Variants in USP40 observed in about 807,000 individuals in gnomAD.
USP40 encodes the protein ubiquitin carboxyl-terminal hydrolase 40.
USP40 carries 143 observed loss-of-function variants against 166.2 expected under a neutral mutation model. That is an observed-to-expected ratio of 0.86 (90% confidence interval 0.75 to 0.99). The LOEUF (loss-of-function observed/expected upper bound fraction) is 0.99. Ranked by LOEUF, USP40 falls within the 50% of genes least tolerant of loss-of-function variation. USP40 has a pLI of 0.00. For missense variants in USP40, 1,444 were observed against 1,479.7 expected, an observed-to-expected ratio of 0.98 and a Z score of 0.40; for synonymous variants, 498 against 524.0, an observed-to-expected ratio of 0.95 and a Z score of 0.68.
intron 10 of USP40, among the ~76,000 whole-genome samples, chr2:233,537,155 T>C (rs2069000101): frequency 6.6e-6 from 1 of 152,174 alleles, no homozygotes; most frequent in African/African-American, 2.4e-5. Context: ...TTTGCTGGGA[T>C]TACAGGTGTG....
chr2:233,564,395 A>C (rs569790195), intron 2 of USP40, among the ~76,000 whole-genome samples: 2 of 152,132 alleles, frequency 1.3e-5, no homozygotes, highest in Non-Finnish European at 2.9e-5. Flanking sequence ...AAGGCAAAGT[A>C]ATGTTCACAC....
chr2:233,501,473 A>C (rs903351298), intron 21 of USP40, among the ~76,000 whole-genome samples: 3 of 152,218 alleles, frequency 2.0e-5, no homozygotes, highest in Non-Finnish European at 2.9e-5. Context: ...TCAACTTTTT[A>C]TAAGAACAGA....
chr2:233,503,134 GAA>G (rs1281876899), intron 21 of USP40, among the ~76,000 whole-genome samples: 2 of 152,026 alleles, frequency 1.3e-5, no homozygotes, highest in Non-Finnish European at 2.9e-5. Context: ...AACAAAATCA[GAA>G]AAATTCATTC....
chr2:233,503,900 A>G (rs1437050557), intron 21 of USP40, among the ~76,000 whole-genome samples: 1 of 152,148 alleles, frequency 6.6e-6, no homozygotes, highest in Non-Finnish European at 1.5e-5. Flanking sequence ...GGTGCTATAT[A>G]AATTTATCAA....
At chr2:233,536,030 AAAT>A (rs2068911626) in intron 10 of USP40, among the ~76,000 whole-genome samples, 2 of 152,158 alleles carry the variant, frequency 1.3e-5, no homozygotes, top group Admixed American at 6.5e-5. Context: ...TGTAATTAAA[AAAT>A]AAAAATTTAT....
At chr2:233,542,607 G>C (rs1269334614) in intron 8 of USP40, 3 of 352,034 alleles carry the variant, frequency 8.5e-6, no homozygotes, top group Non-Finnish European at 1.5e-5. Flanking sequence ...GAGCCCAGGA[G>C]GTCAAGGCTG....
At chr2:233,545,765 GAAGT>G (rs1318467033) in intron 8 of USP40, 1 of 225,668 alleles carries the variant, frequency 4.4e-6, no homozygotes, top group Non-Finnish European at 9.3e-6. Flanking sequence ...TCAAAGGGAA[GAAGT>G]AATTGCTGAA....
chr2:233,494,842 A>C (rs1163845776), intron 24 of USP40, among the ~76,000 whole-genome samples: 15 of 131,380 alleles, frequency 1.1e-4, no homozygotes, highest in African/African-American at 2.0e-4. Flanking sequence ...AAAAAAAAAA[A>C]CCAAAAAAAA....
Position 233,525,577 on chromosome 2 carries a change from T to C in USP40, c.1726-15A>G, listed in dbSNP as rs145192591. 4.7e-4 allele frequency: 744 copies of C among 1,597,996 alleles called. 2 individuals carry two copies. In the African/African-American group the frequency reaches 8.2e-3, roughly 18 times the overall value. On this transcript the variant is annotated splice_polypyrimidine_tract_variant and intron_variant, in intron 13 of 31. Transcript: ENST00000678225. ...AATTCTAACAGCTGAAGAATATTAA[T>C]GAAGGAAAAGAGAATGTTGAAAAGT...
At chr2:233,489,713 G>A in intron 26 of USP40, 2 of 453,006 alleles carry the variant, frequency 4.4e-6, no homozygotes, top group Non-Finnish European at 7.8e-6. Context: ...AGAAAGAAGT[G>A]AGTTCCCTCT....
intron 14 of USP40, 68 bp from the exon 15 acceptor site, chr2:233,524,630 T>C: frequency 7.9e-7 from 1 of 1,259,064 alleles, no homozygotes; most frequent in East Asian, 2.7e-5. Flanking sequence ...AAGAAAGAGC[T>C]GAGACAAATA....
chr2:233,527,301 T>C (rs1364807781), intron 13 of USP40, 106 bp downstream of exon 13: 2 of 1,300,984 alleles, frequency 1.5e-6, no homozygotes, highest in Non-Finnish European at 2.1e-6. Flanking sequence ...CAGATCTTCC[T>C]AAGCAGCTTT....
At position 233,536,004 on chromosome 2, in the gene USP40, C is replaced by T. The variant is rs1012239701; in HGVS notation, c.1171-2225G>A. Among the ~76,000 whole-genome samples, 5 of 151,040 alleles carry T rather than the reference C, an allele frequency of 3.3e-5. No individual in the cohort carries two copies. In the South Asian group the frequency reaches 8.4e-4, roughly 25 times the overall value. ...TCTGTACCCTTATAAATATATACAA[C>T]TAAAATTTATCAATTTGTAATTAAA... On this transcript the variant is annotated intron_variant, in intron 10 of 31. Coordinates refer to ENST00000678225, the MANE Select transcript of USP40 (RefSeq NM_001365479.2).
chr2:233,510,384 TTTTC>T (rs1178627838), intron 20 of USP40, among the ~76,000 whole-genome samples: 25 of 144,418 alleles, frequency 1.7e-4, no homozygotes, highest in Admixed American at 2.8e-4. Flanking sequence ...CACTACTTCT[TTTTC>T]TTTCTTTTTT....
intron 12 of USP40, among the ~76,000 whole-genome samples, chr2:233,528,005 G>T (rs967305690): frequency 6.8e-6 from 1 of 146,040 alleles, no homozygotes; most frequent in Admixed American, 6.8e-5. Flanking sequence ...TTGAGACAGA[G>T]TCTCACTCTG....
At chr2:233,517,609 G>A (rs1575275263) in intron 18 of USP40, among the ~76,000 whole-genome samples, 2 of 152,212 alleles carry the variant, frequency 1.3e-5, no homozygotes, top group East Asian at 1.9e-4. Context: ...GGATGGTCTT[G>A]ATCTCCTGAC....
chr2:233,477,365 CG>C lies in USP40; in HGVS notation c.*26del, dbSNP rs1559204464. 1 of 1,605,300 alleles carries C rather than the reference CG, an allele frequency of 6.2e-7. No homozygotes were observed. ...TTGTGGCATCAGCCGGAGAGTTCAT[CG>C]GGAGTAGAGCCGTGCAGCGGCGCGG... On this transcript the variant is annotated 3_prime_UTR_variant, in exon 32 of 32. Transcript: ENST00000678225.
chr2:233,478,186 C>T (rs757815390), intron 31 of USP40, among the ~76,000 whole-genome samples: 21 of 152,202 alleles, frequency 1.4e-4, no homozygotes, highest in African/African-American at 4.6e-4. Flanking sequence ...CTGGTAGGCA[C>T]GCGTCCATGT....
chr2:233,526,181 CT>C (rs1487215154), intron 13 of USP40, among the ~76,000 whole-genome samples: 1 of 152,160 alleles, frequency 6.6e-6, no homozygotes, highest in African/African-American at 2.4e-5. Flanking sequence ...AAAGAAACTT[CT>C]TATTTACAAG....
Sources: gnomAD v4.1 joint callset for allele counts (sites outside exome capture counted in the v4.1 genomes callset) on GRCh38, gnomAD v4.1.1 for gene constraint, MANE v1.5 for transcripts, NCBI Gene and HGNC (gene_info 2026-07-23, HGNC 2026-07-21) for gene names.